CEP152: variants seen among roughly 807,000 people sequenced by gnomAD.
CEP152 encodes the protein centrosomal protein 152.
In CEP152, 132 loss-of-function variants were observed where a neutral mutation model predicts 188.9. The observed-to-expected ratio is 0.70, with a 90% CI of 0.61 to 0.81. The LOEUF is 0.81. Among genes scored for constraint, CEP152 ranks in the 30% least tolerant of loss-of-function variants. CEP152 has a pLI of 0.00. For synonymous variants in CEP152, 649 were observed against 666.6 expected (o/e 0.97, Z 0.41); for missense variants, 1,914 against 1,969.8 (o/e 0.97, Z 0.54).
chr15:48,771,782 C>T (rs930192000), intron 13 of CEP152, among the ~76,000 whole-genome samples: 1 of 152,180 alleles, frequency 6.6e-6, no homozygotes. Flanking sequence ...CTTAGCCTGG[C>T]CTACCTTAAA....
In CEP152 at chr15:48,762,656, A is replaced by T; in HGVS notation, c.2297T>A (p.Ile766Asn). 1 of 1,613,746 alleles carries T rather than the reference A, an allele frequency of 6.2e-7. No individual in the cohort carries two copies. Among genetic ancestry groups the T allele is most frequent in the Non-Finnish European group, 8.5e-7 (1 of 1,179,988 alleles). The stretch of plus-strand genomic sequence containing the variant: ...CTGCCACTCCTTTTCAAGCTGTTGA[A>T]TGAGTTTTTCTTTGATCTGTTTTCA... Reference protein sequence around the residue: ...QTQEKIKEKLIQQLEKEWQSK... With the variant: ...QTQEKIKEKLNQQLEKEWQSK... Residue 766 changes from isoleucine to asparagine, a missense_variant, in exon 18 of 27, where the codon ATT becomes AAT. Ile to Asn is a moderately radical substitution (Grantham distance 149). Transcript: ENST00000380950.
At chr15:48,732,576 G>A (rs893546553) in intron 2 of CEP152, among the ~76,000 whole-genome samples, 2 of 151,624 alleles carry the variant, frequency 1.3e-5, no homozygotes, top group Non-Finnish European at 2.9e-5. Flanking sequence ...GGGAACTTAA[G>A]AGGATGGGTC....
intron 2 of CEP152, among the ~76,000 whole-genome samples, chr15:48,800,052 C>T (rs149887404): frequency 1.3e-5 from 2 of 152,156 alleles, no homozygotes; most frequent in African/African-American, 4.8e-5. Context: ...CTGAAGAGTA[C>T]ATTGTTTTCC....
Position 48,797,849 on chromosome 15 carries a change from C to A in CEP152, c.191+99G>T, listed in dbSNP as rs905788044. ...AATCTTCACCCAAAATTTTAAGAATCAATTTACAATTTTATAATCATGTAA... is the reference window on the plus strand; with the variant it reads ...AATCTTCACCCAAAATTTTAAGAATAAATTTACAATTTTATAATCATGTAA... On this transcript the variant is annotated intron_variant, in intron 3 of 26. Transcript: ENST00000380950. The A allele has an allele frequency of 1.1e-5, 16 of 1,481,230 alleles. No homozygotes were observed. The African/African-American group carries it at 2.1e-4, about 20-fold the overall frequency. 91.8% of individuals were successfully genotyped at this position (1,481,230 alleles called of 1,614,324 possible).
At chr15:48,750,220 C>T (rs1314428206) in intron 21 of CEP152, among the ~76,000 whole-genome samples, 1 of 151,850 alleles carries the variant, frequency 6.6e-6, no homozygotes, top group Non-Finnish European at 1.5e-5. Context: ...TTTTAGAAGA[C>T]GTAAATATAT....
intron 17 of CEP152, among the ~76,000 whole-genome samples, chr15:48,763,880 T>C (rs1894873622): frequency 6.6e-6 from 1 of 152,178 alleles, no homozygotes; most frequent in Non-Finnish European, 1.5e-5. Context: ...TAATCCATGA[T>C]ATGGCTTATT....
Position 48,805,613 on chromosome 15 carries a change from G to C in CEP152, c.37C>G (p.Gln13Glu), listed in dbSNP as rs1034625881. ...LDFGSVALPV[Q>E]NEDEEYDEED... ...TCGTCATACTCTTCATCTTCATTTT[G>C]CACTGGTAGTGCCACACTGCCAAAG... The change falls in exon 2 of 27, where the codon CAA (glutamine) becomes GAA (glutamate). Residue 13 changes from glutamine (Q) to glutamate (E), a missense_variant. By Grantham distance (29) the Gln-to-Glu change is conservative. Coordinates refer to ENST00000380950, the MANE Select transcript of CEP152 (RefSeq NM_001194998.2). 12 of 1,565,764 alleles carry C rather than the reference G, an allele frequency of 7.7e-6. No individual in the cohort carries two copies. The highest frequency in any genetic ancestry group is 1.0e-5 in the Non-Finnish European group (12 of 1,157,636).
At chr15:48,763,691 T>A (rs532876863) in intron 17 of CEP152, among the ~76,000 whole-genome samples, 4 of 151,592 alleles carry the variant, frequency 2.6e-5, no homozygotes, top group Non-Finnish European at 4.4e-5. Context: ...AAAAAAAAAA[T>A]TTAGTTTAAA....
At chr15:48,750,250 A>G (rs2140628621) in intron 21 of CEP152, among the ~76,000 whole-genome samples, 1 of 152,300 alleles carries the variant, frequency 6.6e-6, no homozygotes, top group African/African-American at 2.4e-5. Flanking sequence ...TTGGCACAGT[A>G]GCTGGCACAG....
chr15:48,794,802 G>A (rs539215863), intron 6 of CEP152, among the ~76,000 whole-genome samples: 1 of 152,286 alleles, frequency 6.6e-6, no homozygotes, highest in East Asian at 1.9e-4. Context: ...CATATACACT[G>A]TCCACTTCCT....
At chr15:48,731,833 C>A (rs1210255579) in intron 2 of CEP152, among the ~76,000 whole-genome samples, 1 of 151,858 alleles carries the variant, frequency 6.6e-6, no homozygotes, top group Non-Finnish European at 1.5e-5. Flanking sequence ...TTAAACAACC[C>A]CAACAAGAAA....
chr15:48,741,902 T>A, intron 25 of CEP152, 45 bp downstream of exon 25: 1 of 1,613,978 alleles, frequency 6.2e-7, no homozygotes, highest in Non-Finnish European at 8.5e-7. Flanking sequence ...AATGATAACA[T>A]GTTGTCCTGG....
At chr15:48,795,969 A>G in intron 6 of CEP152, 41 bp downstream of exon 6, 1 of 1,563,988 alleles carries the variant, frequency 6.4e-7, no homozygotes, top group Non-Finnish European at 8.8e-7. Flanking sequence ...AATTTCCCCA[A>G]TTATGTGGTA....
chr15:48,736,612 T>A (rs1033719263), downstream of CEP152, among the ~76,000 whole-genome samples: 1 of 152,162 alleles, frequency 6.6e-6, no homozygotes, highest in African/African-American at 2.4e-5. Context: ...TAGAATTAGG[T>A]TACCTTGTCA....
chr15:48,731,684 A>T (rs1316753213), intron 2 of CEP152, among the ~76,000 whole-genome samples: 1 of 152,232 alleles, frequency 6.6e-6, no homozygotes, highest in Non-Finnish European at 1.5e-5. Flanking sequence ...GAATTGACAA[A>T]TGGGATCTAA....
In CEP152 at chr15:48,741,765, C is replaced by T. The variant is rs908486121; in HGVS notation, c.3990-61G>A. 5.0e-6 allele frequency: 8 copies of T among 1,611,416 alleles called. No individual in the cohort carries two copies. In the Admixed American group the frequency reaches 8.4e-5, roughly 17 times the overall value. On this transcript the variant is annotated intron_variant, in intron 25 of 26. Transcript: ENST00000380950. ...AAAGGAAAAAATGAGTTGCCTTAGCCCCATGGTTTCTGTTTTCCTATTGGC... is the reference window on the plus strand; with the variant it reads ...AAAGGAAAAAATGAGTTGCCTTAGCTCCATGGTTTCTGTTTTCCTATTGGC...
intron 22 of CEP152, among the ~76,000 whole-genome samples, chr15:48,746,028 T>C (rs990455398): frequency 1.3e-5 from 2 of 152,112 alleles, no homozygotes; most frequent in African/African-American, 4.8e-5. Flanking sequence ...TGGTGATGGA[T>C]ATAACTTTTT....
At chr15:48,776,428 A>G (rs923196309) in intron 12 of CEP152, among the ~76,000 whole-genome samples, 3 of 152,128 alleles carry the variant, frequency 2.0e-5, no homozygotes, top group African/African-American at 7.2e-5. Context: ...GTGGGTAATA[A>G]TGTAAACTTT....
At chr15:48,774,636 G>A (rs557148595) in intron 12 of CEP152, among the ~76,000 whole-genome samples, 11 of 152,280 alleles carry the variant, frequency 7.2e-5, no homozygotes, top group African/African-American at 2.4e-4. Context: ...GTCTCACAAT[G>A]ACTAAACCCG....
Sources: allele counts gnomAD v4.1 joint callset (sites outside exome capture counted in the v4.1 genomes callset), GRCh38; gene constraint gnomAD v4.1.1; transcripts MANE v1.5; gene names NCBI Gene and HGNC (gene_info 2026-07-23, HGNC 2026-07-21).